Variants in CYFIP2 observed in about 807,000 individuals in gnomAD.
CYFIP2 encodes the protein cytoplasmic FMR1 interacting protein 2.
A neutral mutation model predicts 158.7 loss-of-function variants in CYFIP2; 29 were observed. The observed-to-expected ratio is 0.18, with a 90% CI of 0.14 to 0.25. The LOEUF (loss-of-function observed/expected upper bound fraction) is 0.25. CYFIP2 is among the 10% of genes least tolerant of loss of function. CYFIP2 has a pLI of 1.00. For missense variants in CYFIP2, 852 were observed against 1,639.5 expected (o/e 0.52, Z 8.29); for synonymous variants, 585 against 617.6 (o/e 0.95, Z 0.78).
chr5:157,345,023 C>A (rs1036824681), intron 23 of CYFIP2, among the ~76,000 whole-genome samples: 1 of 152,206 alleles, frequency 6.6e-6, no homozygotes, highest in Non-Finnish European at 1.5e-5. Context: ...CTGAATATTT[C>A]TTCCCAGTAA....
intron 1 of CYFIP2, among the ~76,000 whole-genome samples, chr5:157,273,141 C>T (rs559906756): frequency 2.6e-5 from 4 of 152,320 alleles, no homozygotes; most frequent in Non-Finnish European, 5.9e-5. Context: ...GCTGGGATTA[C>T]AGGCACGAGC....
At chr5:157,289,775 A>G (rs1482598578) in intron 3 of CYFIP2, among the ~76,000 whole-genome samples, 1 of 152,246 alleles carries the variant, frequency 6.6e-6, no homozygotes, top group Non-Finnish European at 1.5e-5. Flanking sequence ...TGGGGGGCAC[A>G]CAATTCAGCC....
Position 157,369,657 on chromosome 5 carries a change from A to G in CYFIP2, c.3039+8059A>G, listed in dbSNP as rs553768408. 6.6e-5 allele frequency among the ~76,000 whole-genome samples: 10 copies of G among 152,272 alleles called. No homozygotes were observed. In the South Asian group the frequency reaches 8.3e-4, roughly 13 times the overall value. On this transcript the variant is annotated intron_variant, in intron 26 of 30. Transcript: ENST00000620254. ...GCCTTGGTTATGTAGTTCTGTATCA[A>G]TGACTTTTCTGTGAGGACACCCCCA...
rs1581034451 is a variant in CYFIP2 at position 157,311,904 on chromosome 5, T to C, written c.1110+123T>C. ...AGTAGAAGGGAGGGAGGCAGGAGGG[T>C]AAAGTGGCCAACAGCAGGGGTTTTG... is the stretch of plus-strand genomic sequence containing the variant. On this transcript the variant is annotated intron_variant, in intron 11 of 30. Coordinates refer to ENST00000620254, the MANE Select transcript of CYFIP2 (RefSeq NM_001037333.3). This position sits in a 1 kb window ranked among gnomAD's most constrained non-coding sequence, Gnocchi z 4.7. 1.1e-6 allele frequency: 1 copy of C among 896,798 alleles called. No homozygotes were observed. 55.6% of individuals were successfully genotyped at this position (896,798 alleles called of 1,614,324 possible).
At chr5:157,286,245 T>TAAGC (rs1169010915) in intron 2 of CYFIP2, among the ~76,000 whole-genome samples, 2 of 151,994 alleles carry the variant, frequency 1.3e-5, no homozygotes, top group Non-Finnish European at 2.9e-5. Context: ...TTTTTTATTA[T>TAAGC]AAGCAATACA....
In CYFIP2 at chr5:157,320,935, C is replaced by T. The variant is rs186280074; in HGVS notation, c.1671+133C>T. 2,730 of 1,117,456 alleles carry T rather than the reference C, an allele frequency of 2.4e-3. 5 individuals carry two copies. The highest frequency in any genetic ancestry group is 4.4e-3 in the South Asian group (242 of 55,522). The allele number at this position is 1,117,456 out of a possible 1,614,324, so 69.2% of individuals were successfully genotyped here. A position where few individuals can be genotyped will look rare whatever the true frequency, so the allele number is the denominator to read the frequency against. ...GAGGGGCAGGGTTGAGTGGCTGCTC[C>T]GGTCTTATTCTGCCATCTTGTTTTG... On this transcript the variant is annotated intron_variant, in intron 15 of 30. Coordinates refer to ENST00000620254, the MANE Select transcript of CYFIP2 (RefSeq NM_001037333.3).
At position 157,311,695 on chromosome 5, in the gene CYFIP2, CA is replaced by C; in HGVS notation, c.1025del (p.Gln342ArgfsTer31). On this transcript the variant is annotated frameshift_variant, in exon 11 of 31. Transcript: ENST00000620254. LOFTEE classifies it high-confidence loss of function. This position sits in a 1 kb window ranked among gnomAD's most constrained non-coding sequence, Gnocchi z 4.7. ...WTCTQSSISP[Q>X]YNICEQMVQI... Reference sequence around the variant, plus strand: ...GTGCACCCAGAGCAGCATCAGCCCCCAGTACAATATCTGCGAGCAGATGGTT... The same window carrying C: ...GTGCACCCAGAGCAGCATCAGCCCCCGTACAATATCTGCGAGCAGATGGTT... 6.2e-7 allele frequency: 1 copy of C among 1,610,878 alleles called. No homozygotes were observed. The highest frequency in any genetic ancestry group is 8.5e-7 in the Non-Finnish European group (1 of 1,178,600).
At chr5:157,322,794 C>A (rs1485442224) in intron 15 of CYFIP2, 1 of 774,868 alleles carries the variant, frequency 1.3e-6, no homozygotes, top group Non-Finnish European at 2.1e-6. Flanking sequence ...TGGAGTGTCT[C>A]AGAGGTGGCC....
chr5:157,321,086 T>C (rs1478718311), intron 15 of CYFIP2, among the ~76,000 whole-genome samples: 1 of 152,234 alleles, frequency 6.6e-6, no homozygotes, highest in Non-Finnish European at 1.5e-5. Context: ...CTAATGGGGA[T>C]AATACCACCA....
At position 157,330,800 on chromosome 5, in the gene CYFIP2, T is replaced by C. The variant is rs781781815; in HGVS notation, c.2215T>C (p.Tyr739His). ...TAAGAATTATGGCGTCATCATTCCG[T>C]ATCCACCGTCCAATCGCTATGAAAC... is the stretch of plus-strand genomic sequence containing the variant. ...ECKNYGVIIP[Y>H]PPSNRYETLL... Residue 739 changes from tyrosine to histidine, a missense_variant, in exon 20 of 31, where the codon TAT (tyrosine) becomes CAT (histidine). Transcript: ENST00000620254. 6.2e-7 allele frequency: 1 copy of C among 1,613,900 alleles called. No homozygotes were observed. The highest frequency in any genetic ancestry group is 1.3e-5 in the African/African-American group (1 of 74,928).
intron 1 of CYFIP2, among the ~76,000 whole-genome samples, chr5:157,267,463 T>C (rs922011489): frequency 2.0e-5 from 3 of 152,190 alleles, no homozygotes; most frequent in Non-Finnish European, 2.9e-5. Flanking sequence ...TCCATATCTT[T>C]GGGCAGGCCT....
chr5:157,322,626 G>A (rs1374419583), intron 15 of CYFIP2, among the ~76,000 whole-genome samples: 3 of 152,212 alleles, frequency 2.0e-5, no homozygotes, highest in Non-Finnish European at 4.4e-5. Flanking sequence ...GGCACTGACG[G>A]CCACTGTGGC....
chr5:157,349,174 CG>C (rs1459290016), intron 23 of CYFIP2, among the ~76,000 whole-genome samples: 2 of 152,078 alleles, frequency 1.3e-5, no homozygotes, highest in East Asian at 3.9e-4. Flanking sequence ...TTTTTGGTTA[CG>C]TAGATTAATT....
In CYFIP2 at chr5:157,388,904, C is replaced by A. The variant is rs545957504; in HGVS notation, c.3208-285C>A. ...GTACTACTAGTAGTATCATGTCAGT[C>A]TTTTCAATGGCTATCCAGAATTCAT... On this transcript the variant is annotated intron_variant, in intron 28 of 30. Transcript: ENST00000620254. Among the ~76,000 whole-genome samples, 4 of 152,216 alleles carry A rather than the reference C, an allele frequency of 2.6e-5. No homozygotes were observed. The South Asian group carries it at 8.3e-4, about 32-fold the overall frequency.
In CYFIP2 at chr5:157,382,616, C is replaced by T. The variant is rs1177875982; in HGVS notation, c.3066C>T (p.Leu1022=). 1.2e-6 allele frequency: 2 copies of T among 1,613,926 alleles called. No homozygotes were observed. Among genetic ancestry groups the T allele is most frequent in the Middle Eastern group, 1.6e-4 (1 of 6,084 alleles). ...ALSQEEVCDL[L]HAAPFQNILP... ...CTCAGGAGGAGGTCTGCGATTTGCT[C>T]CATGCCGCACCCTTCCAAAACATCT... The change falls in exon 27 of 31, where the codon CTC becomes CTT. Residue 1022 remains leucine, a synonymous_variant. Coordinates refer to ENST00000620254, the MANE Select transcript of CYFIP2 (RefSeq NM_001037333.3).
At chr5:157,291,910 A>G (rs1757849584) in intron 3 of CYFIP2, among the ~76,000 whole-genome samples, 1 of 151,426 alleles carries the variant, frequency 6.6e-6, no homozygotes, top group Admixed American at 6.6e-5. Context: ...TTCTTTGGTG[A>G]TTTTTTTTTC....
chr5:157,287,336 A>T (rs895895386), intron 3 of CYFIP2, among the ~76,000 whole-genome samples: 1 of 152,220 alleles, frequency 6.6e-6, no homozygotes, highest in Non-Finnish European at 1.5e-5. Flanking sequence ...CTCAACTGTT[A>T]GGGCCCAACT....
chr5:157,305,610 A>C (rs364479), intron 8 of CYFIP2, among the ~76,000 whole-genome samples: 2 of 151,802 alleles, frequency 1.3e-5, no homozygotes, highest in Non-Finnish European at 2.9e-5. Flanking sequence ...TCCCAGGCTC[A>C]AGCGATCCTC....
At chr5:157,269,974 C>A (rs1236569742) in intron 1 of CYFIP2, among the ~76,000 whole-genome samples, 1 of 152,174 alleles carries the variant, frequency 6.6e-6, no homozygotes, top group Non-Finnish European at 1.5e-5. Flanking sequence ...ATACTTGGGC[C>A]CTGGCAACAG....
Sources: allele counts gnomAD v4.1 joint callset (sites outside exome capture counted in the v4.1 genomes callset), GRCh38; gene constraint gnomAD v4.1.1; non-coding constraint Gnocchi (gnomAD v3.1); transcripts MANE v1.5; gene names NCBI Gene and HGNC (gene_info 2026-07-23, HGNC 2026-07-21).